BAZ2B: variants seen among roughly 807,000 people sequenced by gnomAD.
The protein encoded by BAZ2B is bromodomain adjacent to zinc finger domain protein 2B.
In BAZ2B, 91 loss-of-function variants were observed where a neutral mutation model predicts 246.0. That is an observed-to-expected ratio of 0.37 (90% CI 0.31 to 0.44). The LOEUF is 0.44. Among genes scored for constraint, BAZ2B ranks in the 20% least tolerant of loss-of-function variants. BAZ2B has a pLI of 1.00. For synonymous variants in BAZ2B, 855 were observed against 860.0 expected (o/e 0.99, Z 0.10); for missense variants, 2,332 against 2,533.7 (o/e 0.92, Z 1.71).
the BAZ2B span, among the ~76,000 whole-genome samples, chr2:159,627,307 C>CTTCA: frequency 3.3e-5 from 5 of 150,846 alleles, no homozygotes; most frequent in African/African-American, 1.2e-4. Context: ...GGGAATCCTC[C>CTTCA]CTCTTTTTAT....
chr2:159,693,191 CT>C, the BAZ2B span: 131,049 of 151,774 alleles, frequency 0.86, 56,801 homozygotes, highest in Middle Eastern at 0.95. Context: ...AATTTTTTTT[CT>C]TTTTTTGTGC....
rs1290394876 is a variant in BAZ2B, at chr2:159,324,867, T to G, written c.6297A>C (p.Lys2099Asn). ...VNLKLVPGYK[K>N]VIKKPMDFST... Reference sequence around the variant, plus strand: ...AAAAATCCATAGGCTTCTTAATAACTTTCTTATAACCAGGAACAAGTTTCA... The same window carrying G: ...AAAAATCCATAGGCTTCTTAATAACGTTCTTATAACCAGGAACAAGTTTCA... Residue 2099 changes from lysine (K) to asparagine (N), a missense_variant, in exon 36 of 37, where the codon AAA becomes AAC. Around this residue, in one of 9 missense-constraint regions of BAZ2B, gnomAD observed 210 missense variants for 232.5 expected, o/e 0.90. Coordinates refer to ENST00000392783, the MANE Select transcript of BAZ2B (RefSeq NM_013450.4). The G allele has an allele frequency of 6.4e-7, 1 of 1,553,716 alleles. No individual in the cohort carries two copies. The highest frequency in any genetic ancestry group is 1.4e-5 in the African/African-American group (1 of 70,362).
At position 159,412,357 on chromosome 2, in the gene BAZ2B, C is replaced by T. The variant is rs2066959035; in HGVS notation, c.2655G>A (p.Leu885=). 1.2e-6 allele frequency: 2 copies of T among 1,613,984 alleles called. No homozygotes were observed. Among genetic ancestry groups the T allele is most frequent in the African/African-American group, 1.3e-5 (1 of 74,912 alleles). The change falls in exon 14 of 37, where the codon TTG becomes TTA. Residue 885 remains leucine (L), a synonymous_variant. Transcript: ENST00000392783. ...AEFLDNADAK[L]LRKLQAQEIA... ...TACCTTGAGCTTGCAGTTTTCTTAG[C>T]AACTTTGCATCTGCGTTATCTAGGA...
chr2:159,699,014 A>G, the BAZ2B span, among the ~76,000 whole-genome samples: 55 of 152,324 alleles, frequency 3.6e-4, no homozygotes, highest in African/African-American at 1.2e-3. Flanking sequence ...TTATTTCAAC[A>G]TTTATTGAGT....
At chr2:159,469,030 T>TTA (rs1292661668) in intron 3 of BAZ2B, among the ~76,000 whole-genome samples, 2 of 145,682 alleles carry the variant, frequency 1.4e-5, no homozygotes, top group Admixed American at 1.4e-4. Flanking sequence ...AGCCCAGGCG[T>TTA]TAGTTCAAGA....
intron 17 of BAZ2B, 179 bp from the exon 18 acceptor site, chr2:159,399,073 T>C: frequency 2.0e-6 from 1 of 502,808 alleles, no homozygotes; most frequent in Non-Finnish European, 3.4e-6. Context: ...ATTTTGTTTC[T>C]AATTTATAGA....
the BAZ2B span, among the ~76,000 whole-genome samples, chr2:159,668,413 C>T: frequency 2.0e-5 from 3 of 151,990 alleles, no homozygotes; most frequent in African/African-American, 4.8e-5. Flanking sequence ...TAATATATTC[C>T]ATCTTTCACT....
rs180728320 is a variant in BAZ2B at position 159,471,138 on chromosome 2, C to T, written c.145+7437G>A. Among the ~76,000 whole-genome samples the T allele has an allele frequency of 1.8e-4, 27 of 152,208 alleles. No individual in the cohort carries two copies. The East Asian group carries it at 5.2e-3, about 29-fold the overall frequency. On this transcript the variant is annotated intron_variant, in intron 3 of 36. Coordinates refer to ENST00000392783, the MANE Select transcript of BAZ2B (RefSeq NM_013450.4). ...AGAAGAAGAGAGTGGTCAGCTATGT[C>T]AAATTCTGCTGAGGTTGAATGAGAT...
At chr2:159,338,222 T>C (rs993573967) in intron 31 of BAZ2B, among the ~76,000 whole-genome samples, 3 of 152,182 alleles carry the variant, frequency 2.0e-5, no homozygotes, top group African/African-American at 4.8e-5. Flanking sequence ...TTTATCTGTA[T>C]TGCTTTTCTT....
At chr2:159,428,212 T>G in intron 12 of BAZ2B, 99 bp downstream of exon 12, 2 of 1,165,700 alleles carry the variant, frequency 1.7e-6, no homozygotes, top group Non-Finnish European at 2.5e-6. Flanking sequence ...GAATATTTAG[T>G]ATCAAGGAAC....
At chr2:159,379,304 GA>G (rs1052680840) in intron 25 of BAZ2B, among the ~76,000 whole-genome samples, 41 of 152,246 alleles carry the variant, frequency 2.7e-4, no homozygotes, top group African/African-American at 8.4e-4. Context: ...TAGAACCAGA[GA>G]GTAGAATGGT....
At chr2:159,369,281 C>T (rs1235827750) in intron 27 of BAZ2B, among the ~76,000 whole-genome samples, 1 of 152,124 alleles carries the variant, frequency 6.6e-6, no homozygotes, top group African/African-American at 2.4e-5. Context: ...GGGAGGAATA[C>T]ACATGTGTTC....
intron 2 of BAZ2B, among the ~76,000 whole-genome samples, chr2:159,529,119 A>G (rs1295382155): frequency 6.6e-6 from 1 of 152,162 alleles, no homozygotes; most frequent in Non-Finnish European, 1.5e-5. Flanking sequence ...TAATAAGTAA[A>G]AAAATAAAAA....
rs201564561 is a variant in BAZ2B, at chr2:159,320,909, G to A, written c.6354-491C>T. On this transcript the variant is annotated intron_variant, in intron 36 of 36. Coordinates refer to ENST00000392783, the MANE Select transcript of BAZ2B (RefSeq NM_013450.4). ...TACACCCCAAGATATGGTGCTCTGC[G>A]TTGTCTTCCCCATTTCCCATTTCTC... Among the ~76,000 whole-genome samples the A allele has an allele frequency of 7.9e-5, 12 of 152,310 alleles. No homozygotes were observed. In the East Asian group the frequency reaches 9.6e-4, roughly 12 times the overall value.
intron 2 of BAZ2B, among the ~76,000 whole-genome samples, chr2:159,538,625 G>C (rs1191052023): frequency 6.6e-6 from 1 of 152,174 alleles, no homozygotes; most frequent in African/African-American, 2.4e-5. Context: ...TATACCTAGG[G>C]TTTTGAATTG....
At position 159,332,728 on chromosome 2, in the gene BAZ2B, T is replaced by C. The variant is rs1294607025; in HGVS notation, c.5797-42A>G. ...ATCATTTAAAATTAACGCTCTGCCA[T>C]GAATAATAGTTATTGGGATGTTAAA... On this transcript the variant is annotated intron_variant, in intron 33 of 36. Coordinates refer to ENST00000392783, the MANE Select transcript of BAZ2B (RefSeq NM_013450.4). 1.5e-5 allele frequency: 24 copies of C among 1,598,744 alleles called. No homozygotes were observed. In the Admixed American group the frequency reaches 3.7e-4, roughly 25 times the overall value.
At chr2:159,489,589 A>G (rs2080219213) in intron 2 of BAZ2B, among the ~76,000 whole-genome samples, 2 of 152,208 alleles carry the variant, frequency 1.3e-5, no homozygotes, top group Admixed American at 1.3e-4. Context: ...CAAACCGGAT[A>G]AACCGAAAAA....
At chr2:159,642,657 A>G in the BAZ2B span, among the ~76,000 whole-genome samples, 1 of 152,230 alleles carries the variant, frequency 6.6e-6, no homozygotes, top group Admixed American at 6.5e-5. Flanking sequence ...ATGAAAAAAG[A>G]TTACAACTAA....
chr2:159,388,188 T>G (rs776551108), intron 21 of BAZ2B, among the ~76,000 whole-genome samples: 3 of 151,980 alleles, frequency 2.0e-5, no homozygotes, highest in Non-Finnish European at 4.4e-5. Context: ...TATTTGCAAA[T>G]CATTTGAATA....
Sources: gnomAD v4.1 joint callset for allele counts (sites outside exome capture counted in the v4.1 genomes callset) on GRCh38, gnomAD v4.1.1 for gene constraint, gnomAD v4.1.1 regional missense constraint, MANE v1.5 for transcripts, NCBI Gene and HGNC (gene_info 2026-07-23, HGNC 2026-07-21) for gene names.